SCYL3: variants seen among roughly 807,000 people sequenced by gnomAD.
SCYL3 encodes protein-associating with the carboxyl-terminal domain of ezrin.
Under a neutral mutation model 73.8 loss-of-function variants are expected in SCYL3, and 35 were observed. That is an observed-to-expected ratio of 0.47 (90% CI 0.36 to 0.63). SCYL3 has a LOEUF of 0.63. Ranked by LOEUF, SCYL3 falls within the 20% of genes least tolerant of loss-of-function variation. The pLI is 0.00. For missense variants in SCYL3, 712 were observed against 798.9 expected (o/e 0.89, Z 1.31); for synonymous variants, 277 against 295.2 (o/e 0.94, Z 0.63).
At position 169,876,064 on chromosome 1, in the gene SCYL3, A is replaced by C. The variant is rs1660777371; in HGVS notation, c.379T>G (p.Leu127Val). The change falls in exon 4 of 13, where the codon TTA (leucine) becomes GTA (valine). Residue 127 changes from leucine to valine, a missense_variant. This residue lies in a region of SCYL3 where 342 missense variants were observed against 448.1 expected (regional missense o/e 0.76). Transcript: ENST00000367771. ...TCTTCACTCACAAACACAGATGATA[A>C]ACAGACATTATTGTGTGTTAGGTGT... ...RGHLTHNNVC[L>V]SSVFVSEDGH... 1.9e-6 allele frequency: 3 copies of C among 1,609,370 alleles called. No homozygotes were observed. The highest frequency in any genetic ancestry group is 2.5e-6 in the Non-Finnish European group (3 of 1,178,042).
chr1:169,867,412 T>C (rs1164981653), intron 7 of SCYL3, among the ~76,000 whole-genome samples: 1 of 152,254 alleles, frequency 6.6e-6, no homozygotes, highest in East Asian at 1.9e-4. Flanking sequence ...TTTCTCCTGC[T>C]GTAAGTTACT....
Position 169,854,251 on chromosome 1 carries a change from A to C in SCYL3, c.2007+19T>G, listed in dbSNP as rs1276615921. 1 of 1,557,408 alleles carries C rather than the reference A, an allele frequency of 6.4e-7. No individual in the cohort carries two copies. The highest frequency in any genetic ancestry group is 2.2e-5 in the East Asian group (1 of 44,626). On this transcript the variant is annotated intron_variant, in intron 12 of 12. Coordinates refer to ENST00000367771, the MANE Select transcript of SCYL3 (RefSeq NM_020423.7). ...AATCCTAAAGCTAGTAGCACAGTTT[A>C]CTCCATAAAAGTACTCACCTCAGTA...
chr1:169,877,424 C>T (rs1426145577), intron 3 of SCYL3, among the ~76,000 whole-genome samples: 3 of 152,164 alleles, frequency 2.0e-5, no homozygotes, highest in Non-Finnish European at 4.4e-5. Context: ...TCCCAAAGTG[C>T]TGGGATTACA....
chr1:169,883,274 G>C (rs1038751787), intron 2 of SCYL3, among the ~76,000 whole-genome samples: 1 of 152,164 alleles, frequency 6.6e-6, no homozygotes, highest in African/African-American at 2.4e-5. Flanking sequence ...ACAGGAGACA[G>C]AACTCAGATG....
At chr1:169,877,442 G>C (rs572393519) in intron 3 of SCYL3, among the ~76,000 whole-genome samples, 9 of 152,306 alleles carry the variant, frequency 5.9e-5, no homozygotes, top group Non-Finnish European at 1.0e-4. Flanking sequence ...ACAGGTGTGA[G>C]CCACTGCGCC....
chr1:169,861,779 C>T (rs1181933678), intron 10 of SCYL3, among the ~76,000 whole-genome samples: 1 of 152,124 alleles, frequency 6.6e-6, no homozygotes, highest in Admixed American at 6.5e-5. Context: ...AAACCTCATA[C>T]TAGGTTGAAT....
rs1658968138 is a variant in SCYL3 at position 169,854,802 on chromosome 1, T to C, written c.1475A>G (p.Gln492Arg). Reference sequence around the variant, plus strand: ...ATCACAAGGTTCTCTAGGCCAAATCTGTATGTTGACAGTTTGATTTTCAGG... The same window carrying C: ...ATCACAAGGTTCTCTAGGCCAAATCCGTATGTTGACAGTTTGATTTTCAGG... Reference protein sequence around the residue: ...EEPENQTVNIQIWPREPCDDV... With the variant: ...EEPENQTVNIRIWPREPCDDV... The change falls in exon 12 of 13, where the codon CAG becomes CGG. Residue 492 changes from glutamine (Q) to arginine (R), a missense_variant. By Grantham distance (43) the Gln-to-Arg change is conservative (BLOSUM62 1). This residue lies in a region of SCYL3 where 370 missense variants were observed against 350.8 expected (regional missense o/e 1.05). Transcript: ENST00000367771. 1.9e-6 allele frequency: 3 copies of C among 1,613,942 alleles called. No homozygotes were observed. The Admixed American group carries it at 5.0e-5, about 27-fold the overall frequency.
intron 2 of SCYL3, among the ~76,000 whole-genome samples, chr1:169,886,338 G>C (rs1353427595): frequency 6.6e-6 from 1 of 152,026 alleles, no homozygotes; most frequent in Non-Finnish European, 1.5e-5. Context: ...TGAGAGAGGA[G>C]AACAGCTTTC....
At position 169,870,268 on chromosome 1, in the gene SCYL3, G is replaced by A; in HGVS notation, c.612C>T (p.Ile204=). The A allele has an allele frequency of 6.2e-7, 1 of 1,611,878 alleles. No individual in the cohort carries two copies. The highest frequency in any genetic ancestry group is 1.1e-5 in the South Asian group (1 of 90,994). Reference sequence around the variant, plus strand: ...ACTCCAACTCACCCTGTTCATTTAAGATTGTGAGCAAACTTTCCACCAATG... The same window carrying A: ...ACTCCAACTCACCCTGTTCATTTAAAATTGTGAGCAAACTTTCCACCAATG... ...FGTLVESLLT[I]LNEQVSADVL... The change falls in exon 6 of 13, where the codon ATC becomes ATT. Residue 204 remains isoleucine (I), a synonymous_variant. Transcript: ENST00000367771.
chr1:169,856,871 G>A (rs536367497), intron 11 of SCYL3, among the ~76,000 whole-genome samples: 1 of 152,288 alleles, frequency 6.6e-6, no homozygotes, highest in Admixed American at 6.5e-5. Flanking sequence ...GGAAGCCAAT[G>A]TTGCTTTAAA....
At position 169,862,788 on chromosome 1, in the gene SCYL3, T is replaced by A. The variant is rs187802198; in HGVS notation, c.965A>T (p.Gln322Leu). 1 of 1,613,630 alleles carries A rather than the reference T, an allele frequency of 6.2e-7. No homozygotes were observed. Among genetic ancestry groups the A allele is most frequent in the Non-Finnish European group, 8.5e-7 (1 of 1,179,722 alleles). Residue 322 changes from glutamine (Q) to leucine (L), a missense_variant, in exon 10 of 13, where the codon CAG becomes CTG. Physicochemically the swap from Gln to Leu is moderately radical, Grantham distance 113 (BLOSUM62 -2). This residue lies in a region of SCYL3 where 342 missense variants were observed against 448.1 expected (regional missense o/e 0.76). Coordinates refer to ENST00000367771, the MANE Select transcript of SCYL3 (RefSeq NM_020423.7). ...YLLGPKKDHA[Q>L]GETPCLLSPA... ...TGAGAGCAAGCAAGGAGTTTCTCCCTGCGCATGATCTACCCGAAAAATCAA... is the reference window on the plus strand; with the variant it reads ...TGAGAGCAAGCAAGGAGTTTCTCCCAGCGCATGATCTACCCGAAAAATCAA...
chr1:169,881,388 T>G (rs988194862), intron 2 of SCYL3, among the ~76,000 whole-genome samples: 3 of 152,216 alleles, frequency 2.0e-5, no homozygotes, highest in African/African-American at 7.2e-5. Context: ...TCAATGTAAT[T>G]GGGATATCCA....
rs1657988742 is a variant in SCYL3, at chr1:169,850,483, A to G, written c.*3230T>C. ...GAGCACAGTGCTGACGACTTTTACT[A>G]AGCAATTGAGGCCACAGAAGTAAAA... On this transcript the variant is annotated 3_prime_UTR_variant, in exon 13 of 13. Coordinates refer to ENST00000367771, the MANE Select transcript of SCYL3 (RefSeq NM_020423.7). 2 of 604,384 alleles carry G rather than the reference A, an allele frequency of 3.3e-6. No individual in the cohort carries two copies. Among genetic ancestry groups the G allele is most frequent in the Non-Finnish European group, 5.8e-6 (2 of 343,162 alleles). The allele number at this position is 604,384 out of a possible 1,614,324, so 37.4% of individuals were successfully genotyped here. A position where few individuals can be genotyped will look rare whatever the true frequency, so the allele number is the denominator to read the frequency against.
Position 169,866,928 on chromosome 1 carries a change from CAATGTT to C in SCYL3, c.777_782del (p.Thr260_Leu261del). The C allele has an allele frequency of 2.5e-6, 4 of 1,585,552 alleles. No homozygotes were observed. On this transcript the variant is annotated inframe_deletion, in exon 8 of 13. Coordinates refer to ENST00000367771, the MANE Select transcript of SCYL3 (RefSeq NM_020423.7). ...ATTCCGTTTTCTCCTCTTCACTCTTCAATGTTAAACTTTTCAAGAAATTCACAACTT... is the reference window on the plus strand; with the variant it reads ...ATTCCGTTTTCTCCTCTTCACTCTTCAAACTTTTCAAGAAATTCACAACTT...
intron 11 of SCYL3, among the ~76,000 whole-genome samples, chr1:169,858,562 T>C (rs1558118846): frequency 1.3e-5 from 2 of 151,634 alleles, no homozygotes; most frequent in Non-Finnish European, 3.0e-5. Flanking sequence ...TCATTTGTTA[T>C]CATTACCAAG....
intron 7 of SCYL3, among the ~76,000 whole-genome samples, chr1:169,868,266 A>G (rs1161940399): frequency 6.6e-6 from 1 of 152,180 alleles, no homozygotes; most frequent in African/African-American, 2.4e-5. Context: ...AACACATAGG[A>G]TTTTTAGTTT....
At chr1:169,889,382 G>A (rs539591979) in intron 1 of SCYL3, among the ~76,000 whole-genome samples, 2 of 152,122 alleles carry the variant, frequency 1.3e-5, no homozygotes, top group African/African-American at 4.8e-5. Context: ...TTGTTAATAT[G>A]ATGAAAAACA....
At chr1:169,876,880 G>A (rs562318862) in intron 3 of SCYL3, among the ~76,000 whole-genome samples, 51 of 146,912 alleles carry the variant, frequency 3.5e-4, no homozygotes, top group African/African-American at 1.2e-3. Context: ...GCGTGAACCC[G>A]GGAGGTGGAG....
chr1:169,871,577 G>C (rs550363634), intron 5 of SCYL3, among the ~76,000 whole-genome samples: 48 of 152,338 alleles, frequency 3.2e-4, no homozygotes, highest in African/African-American at 1.1e-3. Flanking sequence ...ATATGGAAGG[G>C]ACTTTGGAAC....
Sources: allele counts gnomAD v4.1 joint callset (sites outside exome capture counted in the v4.1 genomes callset), GRCh38; gene constraint gnomAD v4.1.1; regional missense constraint gnomAD v4.1.1; transcripts MANE v1.5; gene names NCBI Gene and HGNC (gene_info 2026-07-23, HGNC 2026-07-21).